Variants in HDDC2 observed in about 807,000 individuals in gnomAD.
HDDC2 encodes 5'-deoxynucleotidase HDDC2.
Under a neutral mutation model 25.5 loss-of-function variants are expected in HDDC2, and 25 were observed. The observed-to-expected ratio is 0.98, with a 90% CI of 0.72 to 1.37. The LOEUF (loss-of-function observed/expected upper bound fraction) is 1.37. Among genes scored for constraint, HDDC2 ranks in the 40% most tolerant of loss-of-function variants. The pLI is 0.00. For synonymous variants in HDDC2, 106 were observed against 89.7 expected, an observed-to-expected ratio of 1.18 and a Z score of -1.03; for missense variants, 264 against 253.1, an observed-to-expected ratio of 1.04 and a Z score of -0.29.
intron 4 of HDDC2, among the ~76,000 whole-genome samples, chr6:125,282,776 G>A (rs550037752): frequency 7.9e-5 from 12 of 152,286 alleles, no homozygotes; most frequent in South Asian, 2.1e-4. Flanking sequence ...CCCATCTTAC[G>A]TGCGAAGACA....
Position 125,276,134 on chromosome 6 carries a change from T to G in HDDC2, c.*12A>C. ...ATGTTTGTTACAGGAGTGCAGCAAT[T>G]TAGAGAGTGTCTCAGGAGTGTGGCT... On this transcript the variant is annotated 3_prime_UTR_variant, in exon 6 of 6. Coordinates refer to ENST00000398153, the MANE Select transcript of HDDC2 (RefSeq NM_016063.3). The G allele has an allele frequency of 6.3e-7, 1 of 1,579,568 alleles. No homozygotes were observed. Among genetic ancestry groups the G allele is most frequent in the Non-Finnish European group, 8.7e-7 (1 of 1,148,382 alleles).
At chr6:125,295,299 T>C (rs1044477435) in intron 3 of HDDC2, among the ~76,000 whole-genome samples, 1 of 152,250 alleles carries the variant, frequency 6.6e-6, no homozygotes, top group Admixed American at 6.5e-5. Context: ...AATGAAGCTT[T>C]CAGCAAATAT....
Position 125,301,848 on chromosome 6 carries a change from C to A in HDDC2, c.84+1G>T, listed in dbSNP as rs1291005200. 22 of 1,542,732 alleles carry A rather than the reference C, an allele frequency of 1.4e-5. No homozygotes were observed. The highest frequency in any genetic ancestry group is 1.7e-5 in the Non-Finnish European group (20 of 1,146,326). Reference sequence around the variant, plus strand: ...GGCCTCCCGGCCTGGTGCCCGCTCACCTTGAGCTGCCCTACCAGCCGCAGG... The same window carrying A: ...GGCCTCCCGGCCTGGTGCCCGCTCAACTTGAGCTGCCCTACCAGCCGCAGG... On this transcript the variant is annotated splice_donor_variant, in intron 1 of 5. Coordinates refer to ENST00000398153, the MANE Select transcript of HDDC2 (RefSeq NM_016063.3). LOFTEE classifies it high-confidence loss of function.
Position 125,300,694 on chromosome 6 carries a change from G to T in HDDC2, c.85-35C>A, listed in dbSNP as rs749526809. On this transcript the variant is annotated intron_variant, in intron 1 of 5. Coordinates refer to ENST00000398153, the MANE Select transcript of HDDC2 (RefSeq NM_016063.3). ...ATGAAGAAGAAAAAGAAGTTTTAAA[G>T]AACAAATATTAACTATCTGCTATGC... 5.6e-6 allele frequency: 9 copies of T among 1,600,606 alleles called. No homozygotes were observed. In the South Asian group the frequency reaches 1.0e-4, roughly 18 times the overall value.
intron 4 of HDDC2, among the ~76,000 whole-genome samples, chr6:125,291,229 A>T (rs1348931765): frequency 3.9e-5 from 6 of 152,316 alleles, no homozygotes; most frequent in African/African-American, 1.4e-4. Flanking sequence ...AAAGTGTAGT[A>T]ACAGGGTAGT....
At chr6:125,279,428 T>C (rs1798422762) in intron 4 of HDDC2, 1 of 151,678 alleles carries the variant, frequency 6.6e-6, no homozygotes, top group Non-Finnish European at 1.5e-5. Flanking sequence ...GGAGGACATC[T>C]CTAAAAGAAA....
rs537833828 is a variant in HDDC2 at position 125,293,517 on chromosome 6, T to C, written c.310-608A>G. On this transcript the variant is annotated intron_variant, in intron 3 of 5. Transcript: ENST00000398153. ...AAACGGCAATTAGCTAAACCATCCATGTAGTATCTGAACCCTTCAATAGCA... is the reference window on the plus strand; with the variant it reads ...AAACGGCAATTAGCTAAACCATCCACGTAGTATCTGAACCCTTCAATAGCA... Among the ~76,000 whole-genome samples the C allele has an allele frequency of 1.7e-4, 26 of 152,284 alleles. No individual in the cohort carries two copies. The South Asian group carries it at 4.1e-3, about 24-fold the overall frequency.
At chr6:125,278,662 G>C (rs1244961913) in intron 4 of HDDC2, 1 of 152,170 alleles carries the variant, frequency 6.6e-6, no homozygotes, top group Non-Finnish European at 1.5e-5. Context: ...GGAAGAGTTA[G>C]GTTCAGATTT....
intron 4 of HDDC2, among the ~76,000 whole-genome samples, chr6:125,285,319 A>C (rs1003898916): frequency 2.0e-5 from 3 of 152,180 alleles, no homozygotes. Context: ...ATAAAAAAAA[A>C]GAAAAGAAAA....
intron 4 of HDDC2, among the ~76,000 whole-genome samples, chr6:125,289,987 T>C (rs1798606326): frequency 6.6e-6 from 1 of 152,254 alleles, no homozygotes; most frequent in Non-Finnish European, 1.5e-5. Context: ...GATTTCACTT[T>C]TTATGATAAA....
intron 3 of HDDC2, chr6:125,297,637 T>G: frequency 2.5e-6 from 1 of 399,476 alleles, no homozygotes; most frequent in Middle Eastern, 6.3e-4. Context: ...TCCCCAGCTC[T>G]GAGAATAGAC....
At chr6:125,281,536 C>T (rs1028706024) in intron 4 of HDDC2, among the ~76,000 whole-genome samples, 1 of 152,100 alleles carries the variant, frequency 6.6e-6, no homozygotes, top group Non-Finnish European at 1.5e-5. Context: ...AGTTGAAAAA[C>T]ACAGCATGAG....
At chr6:125,288,154 T>A (rs190738206) in intron 4 of HDDC2, among the ~76,000 whole-genome samples, 1 of 152,360 alleles carries the variant, frequency 6.6e-6, no homozygotes, top group East Asian at 1.9e-4. Context: ...ACTTCCTATC[T>A]GACAGTGTCT....
At chr6:125,282,977 A>T (rs951320467) in intron 4 of HDDC2, among the ~76,000 whole-genome samples, 1 of 152,134 alleles carries the variant, frequency 6.6e-6, no homozygotes, top group Non-Finnish European at 1.5e-5. Flanking sequence ...TCCTAAATAT[A>T]GGCTTCATCT....
intron 2 of HDDC2, chr6:125,300,292 A>G: frequency 4.4e-6 from 2 of 458,224 alleles, no homozygotes; most frequent in Admixed American, 7.8e-5. Flanking sequence ...AGGCCCCAAT[A>G]TCACACTTAA....
intron 4 of HDDC2, among the ~76,000 whole-genome samples, chr6:125,282,985 T>A (rs1798480771): frequency 1.3e-5 from 2 of 152,228 alleles, no homozygotes; most frequent in Admixed American, 6.5e-5. Flanking sequence ...ATAGGCTTCA[T>A]CTTTGGGATG....
At chr6:125,278,043 G>A (rs1798398615) in intron 4 of HDDC2, 1 of 152,136 alleles carries the variant, frequency 6.6e-6, no homozygotes, top group Non-Finnish European at 1.5e-5. Context: ...GCTCCCAACT[G>A]GTTTCCCTGC....
At chr6:125,292,938 A>G (rs760974902) in intron 3 of HDDC2, 29 bp from the exon 4 acceptor site, 3 of 1,533,044 alleles carry the variant, frequency 2.0e-6, no homozygotes, top group Non-Finnish European at 2.7e-6. Flanking sequence ...ATCTTTAATT[A>G]TATTGACATT....
At chr6:125,294,358 C>G (rs1262369589) in intron 3 of HDDC2, among the ~76,000 whole-genome samples, 1 of 152,220 alleles carries the variant, frequency 6.6e-6, no homozygotes, top group Non-Finnish European at 1.5e-5. Flanking sequence ...CAACAATCCA[C>G]TCTTATAAAT....
Sources: gnomAD v4.1 joint callset for allele counts (sites outside exome capture counted in the v4.1 genomes callset) on GRCh38, gnomAD v4.1.1 for gene constraint, MANE v1.5 for transcripts, NCBI Gene and HGNC (gene_info 2026-07-23, HGNC 2026-07-21) for gene names.